Variants in BOLA3 observed in about 807,000 individuals in gnomAD.
BOLA3 encodes bolA family member 3.
In BOLA3, 8 loss-of-function variants were observed where a neutral mutation model predicts 14.5. The ratio of observed to expected loss-of-function variants is 0.55; its 90% confidence interval spans 0.32 to 0.99. The LOEUF (loss-of-function observed/expected upper bound fraction) is 0.99, where lower values mean the gene tolerates loss of function less well. Among genes scored for constraint, BOLA3 ranks in the 50% least tolerant of loss-of-function variants. The pLI is 0.04. For synonymous variants in BOLA3, 42 were observed against 45.7 expected (o/e 0.92, Z 0.33); for missense variants, 115 against 138.2 (o/e 0.83, Z 0.84).
chr2:74,135,698 A>G (rs1317523909), intron 3 of BOLA3, 40 bp from the exon 4 acceptor site: 1 of 1,347,044 alleles, frequency 7.4e-7, no homozygotes, highest in Admixed American at 1.7e-5. Flanking sequence ...TGTGTATTTG[A>G]CGTTGATTAC....
At chr2:74,138,616 C>G (rs1277443384) in intron 3 of BOLA3, among the ~76,000 whole-genome samples, 1 of 152,206 alleles carries the variant, frequency 6.6e-6, no homozygotes, top group Non-Finnish European at 1.5e-5. Flanking sequence ...AGGCAGATCA[C>G]ATGAAGAATG....
At chr2:74,146,412 A>T (rs1692546484) in intron 1 of BOLA3, 1 of 152,576 alleles carries the variant, frequency 6.6e-6, no homozygotes, top group Admixed American at 6.5e-5. Flanking sequence ...CTGGGAATGG[A>T]GTGTGGCAGG....
intron 3 of BOLA3, among the ~76,000 whole-genome samples, chr2:74,138,021 C>G (rs930781380): frequency 8.5e-5 from 13 of 152,326 alleles, no homozygotes; most frequent in South Asian, 4.1e-4. Flanking sequence ...ACAGAGGAAC[C>G]TTCTGGGCTT....
At chr2:74,136,150 A>T (rs962266536) in intron 3 of BOLA3, among the ~76,000 whole-genome samples, 1 of 151,852 alleles carries the variant, frequency 6.6e-6, no homozygotes, top group African/African-American at 2.4e-5. Flanking sequence ...GGGTCTCACT[A>T]TATTGCCTAG....
intron 1 of BOLA3, 39 bp downstream of exon 1, chr2:74,147,782 C>G (rs940385827): frequency 3.9e-6 from 6 of 1,528,596 alleles, no homozygotes; most frequent in African/African-American, 1.4e-5. Flanking sequence ...CCGCAGCTCC[C>G]GTCCCGGGGA....
At chr2:74,144,954 C>T (rs1692517390) in intron 2 of BOLA3, among the ~76,000 whole-genome samples, 1 of 152,316 alleles carries the variant, frequency 6.6e-6, no homozygotes, top group South Asian at 2.1e-4. Context: ...CTGAGCCAGG[C>T]TGGCAACCTT....
At chr2:74,145,652 A>G (rs1182679979) in intron 1 of BOLA3, 8 of 346,644 alleles carry the variant, frequency 2.3e-5, no homozygotes, top group Admixed American at 4.0e-5. Context: ...GCACACAGTA[A>G]TGTGCCCAAG....
At chr2:74,145,098 G>A in intron 2 of BOLA3, 91 bp downstream of exon 2, 3 of 786,742 alleles carry the variant, frequency 3.8e-6, no homozygotes, top group East Asian at 5.0e-5. Flanking sequence ...CTCACCAGCA[G>A]CAAGCCCCCT....
intron 1 of BOLA3, 58 bp from the exon 2 acceptor site, chr2:74,145,361 G>A (rs1367405570): frequency 3.7e-6 from 4 of 1,072,448 alleles, no homozygotes; most frequent in African/African-American, 3.1e-5. Context: ...CCCCTGAGCT[G>A]GGCCACTGTG....
intron 3 of BOLA3, among the ~76,000 whole-genome samples, chr2:74,139,290 A>G (rs1294624494): frequency 6.6e-6 from 1 of 152,152 alleles, no homozygotes; most frequent in Non-Finnish European, 1.5e-5. Flanking sequence ...ACTACTACGC[A>G]TAGGGTGAGT....
chr2:74,147,788 G>C (rs1236083849), intron 1 of BOLA3, 33 bp downstream of exon 1: 28 of 1,529,002 alleles, frequency 1.8e-5, no homozygotes, highest in Non-Finnish European at 2.4e-5. Context: ...CTCCCGTCCC[G>C]GGGAGAGCAG....
At chr2:74,146,743 A>G (rs969571058) in intron 1 of BOLA3, 3 of 152,318 alleles carry the variant, frequency 2.0e-5, no homozygotes, top group Non-Finnish European at 2.9e-5. Context: ...CACCTCCTTT[A>G]AAATGAGCTG....
In BOLA3 at chr2:74,135,658, C is replaced by T; in HGVS notation, c.259G>A (p.Ala87Thr). The stretch of plus-strand genomic sequence containing the variant: ...ATCTCTTTGATTTCTTCTTTTAGTG[C>T]CTAAGTAAGAAAACAGCATCATCAG... ...TVQQHQMVNQ[A>T]LKEEIKEMHG... Residue 87 changes from alanine (A) to threonine (T), a missense_variant and splice_region_variant, in exon 4 of 4, where the codon GCA becomes ACA. Ala to Thr is a moderately conservative substitution (Grantham distance 58). Transcript: ENST00000327428. 1 of 1,608,296 alleles carries T rather than the reference C, an allele frequency of 6.2e-7. No homozygotes were observed. Among genetic ancestry groups the T allele is most frequent in the South Asian group, 1.1e-5 (1 of 90,900 alleles).
In BOLA3 at chr2:74,147,861, C is replaced by T. The variant is rs1422922995; in HGVS notation, c.14G>A (p.Ser5Asn). 10 of 1,524,360 alleles carry T rather than the reference C, an allele frequency of 6.6e-6. No individual in the cohort carries two copies. Among genetic ancestry groups the T allele is most frequent in the African/African-American group, 4.2e-5 (3 of 71,452 alleles). The allele number at this position is 1,524,360 out of a possible 1,614,324, so 94.4% of individuals were successfully genotyped here. A position where few individuals can be genotyped will look rare whatever the true frequency, so the allele number is the denominator to read the frequency against. Residue 5 changes from serine (S) to asparagine (N), a missense_variant, in exon 1 of 4, where the codon AGC becomes AAC. Physicochemically the swap from Ser to Asn is conservative, Grantham distance 46 (BLOSUM62 1). Transcript: ENST00000327428. The part of the protein sequence containing the change: MAAW[S>N]PAAAAPLLRG... ...GAGGAGAGGCGCTGCCGCGGCCGGG[C>T]TCCATGCAGCCATGCCCGGCCGACG...
At chr2:74,141,817 C>T (rs1692442405) in intron 3 of BOLA3, among the ~76,000 whole-genome samples, 2 of 152,126 alleles carry the variant, frequency 1.3e-5, no homozygotes, top group Non-Finnish European at 2.9e-5. Flanking sequence ...GCTGGTTGAA[C>T]GTGATGTTCC....
At chr2:74,136,226 A>G (rs1028585479) in intron 3 of BOLA3, among the ~76,000 whole-genome samples, 9 of 152,304 alleles carry the variant, frequency 5.9e-5, no homozygotes, top group Non-Finnish European at 1.3e-4. Context: ...CCGGAATTAC[A>G]AGCGTGAGCC....
chr2:74,139,073 G>A (rs974064479), intron 3 of BOLA3, among the ~76,000 whole-genome samples: 2 of 152,148 alleles, frequency 1.3e-5, no homozygotes, highest in Non-Finnish European at 2.9e-5. Context: ...TGACGCACTG[G>A]GCCCTGGGAG....
intron 3 of BOLA3, 127 bp from the exon 4 acceptor site, chr2:74,135,785 TC>T (rs887934488): frequency 1.3e-6 from 1 of 774,536 alleles, no homozygotes; most frequent in African/African-American, 1.7e-5. Context: ...AAGCAATTTT[TC>T]CTTTTTTTGA....
At chr2:74,139,457 T>C (rs902677799) in intron 3 of BOLA3, among the ~76,000 whole-genome samples, 1 of 151,624 alleles carries the variant, frequency 6.6e-6, no homozygotes, top group Non-Finnish European at 1.5e-5. Flanking sequence ...GTTACCACCT[T>C]GCCTTCCCCT....
Sources: allele counts gnomAD v4.1 joint callset (sites outside exome capture counted in the v4.1 genomes callset), GRCh38; gene constraint gnomAD v4.1.1; transcripts MANE v1.5; gene names NCBI Gene and HGNC (gene_info 2026-07-23, HGNC 2026-07-21).